ERVW-1: variants seen among roughly 807,000 people sequenced by gnomAD.
ERVW-1 encodes syncytin-1.
A neutral mutation model predicts 16.6 loss-of-function variants in ERVW-1; 21 were observed. The observed-to-expected ratio is 1.26, with a 90% CI of 0.90 to 1.82. ERVW-1 has a LOEUF of 1.82. Ranked by LOEUF, ERVW-1 falls within the 40% of genes most tolerant of loss-of-function variation. The pLI is 0.00. For missense variants in ERVW-1, 412 were observed against 300.2 expected, an observed-to-expected ratio of 1.37 and a Z score of -2.75; for synonymous variants, 161 against 109.8, an observed-to-expected ratio of 1.47 and a Z score of -2.92.
At chr7:92,477,317 T>C (rs1790586603) in intron 1 of ERVW-1, 65 bp downstream of exon 1, 1 of 152,298 alleles carries the variant, frequency 6.6e-6, no homozygotes, top group Non-Finnish European at 1.5e-5. Context: ...GTGCCCGGTA[T>C]TTTCCTCCAA....
In ERVW-1 at chr7:92,468,917, G is replaced by C. The variant is rs1790195934; in HGVS notation, c.1465C>G (p.Pro489Ala). Residue 489 changes from proline to alanine, a missense_variant, in exon 2 of 2, where the codon CCC becomes GCC. Pro to Ala is a conservative substitution (Grantham distance 27, BLOSUM62 -1). Transcript: ENST00000603053. ...RIEAVKLQME[P>A]KMQSKTKIYR... ...ATCTTAGTCTTGGACTGCATCTTGG[G>C]CTCCATTTGTAGTTTTACAGCTTCG... is the stretch of plus-strand genomic sequence containing the variant. 2.6e-6 allele frequency: 2 copies of C among 764,080 alleles called. No homozygotes were observed. Among genetic ancestry groups the C allele is most frequent in the South Asian group, 2.7e-5 (2 of 74,534 alleles). 47.3% of individuals were successfully genotyped at this position (764,080 alleles called of 1,614,324 possible). A position where few individuals can be genotyped will look rare whatever the true frequency, so the allele number is the denominator to read the frequency against.
chr7:92,474,030 T>G (rs944248863), intron 1 of ERVW-1, among the ~76,000 whole-genome samples: 3 of 152,128 alleles, frequency 2.0e-5, no homozygotes, highest in Non-Finnish European at 4.4e-5. Flanking sequence ...TTTTTTAAAG[T>G]GTCCTTGTAG....
At chr7:92,473,273 C>G (rs1231044701) in intron 1 of ERVW-1, 1 of 152,170 alleles carries the variant, frequency 6.6e-6, no homozygotes, top group Non-Finnish European at 1.5e-5. Flanking sequence ...CTAACCTCCA[C>G]TGTCTGTTGG....
chr7:92,473,423 G>A (rs574069208), intron 1 of ERVW-1, among the ~76,000 whole-genome samples: 5 of 152,152 alleles, frequency 3.3e-5, no homozygotes, highest in African/African-American at 9.6e-5. Context: ...GGTAGGGAAA[G>A]GAGGTGGAAT....
At chr7:92,471,509 G>A (rs977511609) in intron 1 of ERVW-1, 2 of 152,186 alleles carry the variant, frequency 1.3e-5, no homozygotes, top group African/African-American at 4.8e-5. Flanking sequence ...CCGTCCCGAG[G>A]GGAGAAAACT....
In ERVW-1 at chr7:92,470,003, T is replaced by C. The variant is rs1341783904; in HGVS notation, c.379A>G (p.Lys127Glu). The C allele has an allele frequency of 1.3e-6, 1 of 778,300 alleles. No individual in the cohort carries two copies. The highest frequency in any genetic ancestry group is 1.7e-5 in the African/African-American group (1 of 59,044). 48.2% of individuals were successfully genotyped at this position (778,300 alleles called of 1,614,324 possible). The stretch of plus-strand genomic sequence containing the variant: ...TGGGAGATTACTTCTTTTACATGTT[T>C]TTCTCTTGCCTGATCTTGAACTCCA... ...GGGVQDQARE[K>E]HVKEVISQLT... The change falls in exon 2 of 2, where the codon AAA becomes GAA. Residue 127 changes from lysine to glutamate, a missense_variant. Physicochemically the swap from Lys to Glu is moderately conservative, Grantham distance 56. Transcript: ENST00000603053.
chr7:92,473,039 G>A (rs1790408263), intron 1 of ERVW-1: 1 of 152,208 alleles, frequency 6.6e-6, no homozygotes, highest in South Asian at 2.1e-4. Context: ...TGAACCCTTG[G>A]GGTAAAATAG....
intron 1 of ERVW-1, among the ~76,000 whole-genome samples, chr7:92,475,915 T>G (rs1390047874): frequency 6.6e-6 from 1 of 152,234 alleles, no homozygotes; most frequent in African/African-American, 2.4e-5. Flanking sequence ...GTAAGTACTT[T>G]AAGGCTTGGC....
intron 1 of ERVW-1, among the ~76,000 whole-genome samples, chr7:92,476,772 A>C (rs190143922): frequency 1.8e-4 from 28 of 152,058 alleles, no homozygotes; most frequent in African/African-American, 6.5e-4. Flanking sequence ...GGTCCTACAT[A>C]ACTGCCCATG....
chr7:92,472,219 C>T (rs1366061802), intron 1 of ERVW-1: 1 of 152,232 alleles, frequency 6.6e-6, no homozygotes, highest in South Asian at 2.1e-4. Flanking sequence ...AGCACTGGCC[C>T]TTCAAGTAAT....
chr7:92,469,198 C>T lies in ERVW-1; in HGVS notation c.1184G>A (p.Gly395Glu). The change falls in exon 2 of 2, where the codon GGA becomes GAA. Residue 395 changes from glycine (G) to glutamate (E), a missense_variant. By Grantham distance (98) the Gly-to-Glu change is moderately conservative (BLOSUM62 -2). Coordinates refer to ENST00000603053, the MANE Select transcript of ERVW-1 (RefSeq NM_001130925.2). ...ALDLLTAERG[G>E]TCLFLGEECC... Reference sequence around the variant, plus strand: ...TTCTTCCCCTAAAAATAAACAGGTTCCCCCTCTTTCAGCGGTTAGCAAGTC... The same window carrying T: ...TTCTTCCCCTAAAAATAAACAGGTTTCCCCTCTTTCAGCGGTTAGCAAGTC... 1 of 740,262 alleles carries T rather than the reference C, an allele frequency of 1.4e-6. No individual in the cohort carries two copies. The highest frequency in any genetic ancestry group is 1.4e-5 in the South Asian group (1 of 72,306). The allele number at this position is 740,262 out of a possible 1,614,324, so 45.9% of individuals were successfully genotyped here. A position where few individuals can be genotyped will look rare whatever the true frequency, so the allele number is the denominator to read the frequency against.
intron 1 of ERVW-1, among the ~76,000 whole-genome samples, chr7:92,473,720 C>T (rs1458088197): frequency 6.6e-6 from 1 of 151,860 alleles, no homozygotes; most frequent in African/African-American, 2.4e-5. Flanking sequence ...TTAGGACCCC[C>T]TCAGATAGTG....
chr7:92,471,814 C>T (rs1032002594), intron 1 of ERVW-1: 1 of 152,204 alleles, frequency 6.6e-6, no homozygotes, highest in Admixed American at 6.5e-5. Context: ...GTTAGGAATT[C>T]CCTTTCTTTC....
chr7:92,470,935 G>C (rs1426992091), intron 1 of ERVW-1: 1 of 167,376 alleles, frequency 6.0e-6, no homozygotes, highest in Non-Finnish European at 1.5e-5. Flanking sequence ...TGTCCTTTGA[G>C]TGTTTCATTC....
In ERVW-1 at chr7:92,469,731, G is replaced by T. The variant is rs755278919; in HGVS notation, c.651C>A (p.Ser217=). Residue 217 remains serine, a synonymous_variant, in exon 2 of 2, where the codon TCC becomes TCA. Coordinates refer to ENST00000603053, the MANE Select transcript of ERVW-1 (RefSeq NM_001130925.2). ...NNFSTEINTT[S]VLVGPLVSNL... is the part of the protein sequence containing the mutation. ...TGGAAACAAGAGGTCCTACTAAAAC[G>T]GAAGTGGTGTTTATTTCTGTGCTGA... 1.6e-6 allele frequency: 1 copy of T among 628,268 alleles called. No individual in the cohort carries two copies. Among genetic ancestry groups the T allele is most frequent in the Non-Finnish European group, 2.9e-6 (1 of 347,568 alleles). The allele number at this position is 628,268 out of a possible 1,614,324, so 38.9% of individuals were successfully genotyped here. A position where few individuals can be genotyped will look rare whatever the true frequency, so the allele number is the denominator to read the frequency against.
rs906441995 is a variant in ERVW-1, at chr7:92,470,070, G to C, written c.312C>G (p.Val104=). The C allele has an allele frequency of 9.0e-6, 7 of 778,674 alleles. No individual in the cohort carries two copies. The highest frequency in any genetic ancestry group is 1.7e-5 in the Non-Finnish European group (7 of 417,966). 48.2% of individuals were successfully genotyped at this position (778,674 alleles called of 1,614,324 possible). The part of the protein sequence containing the change: ...PSCPGGLGVT[V]CWTYFTQTGM... ...CAGTTTGGGTGAAGTAAGTCCAACA[G>C]ACAGTGACTCCAAGTCCTCCAGGAC... Residue 104 remains valine, a synonymous_variant, in exon 2 of 2, where the codon GTC becomes GTG. Transcript: ENST00000603053.
At chr7:92,476,058 CATCT>C (rs1190127369) in intron 1 of ERVW-1, among the ~76,000 whole-genome samples, 3 of 152,160 alleles carry the variant, frequency 2.0e-5, no homozygotes, top group Non-Finnish European at 4.4e-5. Flanking sequence ...TGGGAGGAAC[CATCT>C]ATCGTCCTGT....
At chr7:92,475,584 C>T (rs1447072632) in intron 1 of ERVW-1, among the ~76,000 whole-genome samples, 3 of 146,908 alleles carry the variant, frequency 2.0e-5, no homozygotes, top group Non-Finnish European at 4.5e-5. Flanking sequence ...GAGTTCCTTT[C>T]CAGGGTGCGT....
At position 92,469,432 on chromosome 7, in the gene ERVW-1, CT is replaced by C. The variant is rs748572132; in HGVS notation, c.949del (p.Arg317GlufsTer9). ...TATAACAAAAGGAAGAATGGGTACT[CT>C]TTTGTTGCGGGGCTTAGATATGACA... The part of the protein sequence containing the change: ...SYVISKPRNK[R>X]VPILPFVIGA... On this transcript the variant is annotated frameshift_variant, in exon 2 of 2. Transcript: ENST00000603053. LOFTEE classifies it high-confidence loss of function. 8 of 771,610 alleles carry C rather than the reference CT, an allele frequency of 1.0e-5. No individual in the cohort carries two copies. Among genetic ancestry groups the C allele is most frequent in the Non-Finnish European group, 1.9e-5 (8 of 415,530 alleles). 47.8% of individuals were successfully genotyped at this position (771,610 alleles called of 1,614,324 possible).
Sources: gnomAD v4.1 joint callset for allele counts (sites outside exome capture counted in the v4.1 genomes callset) on GRCh38, gnomAD v4.1.1 for gene constraint, MANE v1.5 for transcripts, NCBI Gene and HGNC (gene_info 2026-07-23, HGNC 2026-07-21) for gene names.